Variants in GRM4 observed in about 807,000 individuals in gnomAD.
The protein encoded by GRM4 is glutamate metabotropic receptor 4, also known as metabotropic glutamate receptor 4.
In GRM4, 28 loss-of-function variants were observed where a neutral mutation model predicts 81.7. The ratio of observed to expected loss-of-function variants is 0.34; its 90% CI spans 0.25 to 0.47. The LOEUF is 0.47. GRM4 is among the 20% of genes least tolerant of loss of function. GRM4 has a pLI of 1.00. For missense variants in GRM4, 948 were observed against 1,290.0 expected, an observed-to-expected ratio of 0.73 and a Z score of 4.06; for synonymous variants, 488 against 528.8, an observed-to-expected ratio of 0.92 and a Z score of 1.06.
chr6:34,044,863 G>GACACACACATACACACACAC (rs1562022179), intron 6 of GRM4, among the ~76,000 whole-genome samples: 2 of 69,610 alleles, frequency 2.9e-5, no homozygotes. Context: ...CACACACACA[G>GACACACACATACACACACAC]ACATACATAC....
chr6:34,040,365 G>T, intron 7 of GRM4, 51 bp from the exon 8 acceptor site: 1 of 1,595,644 alleles, frequency 6.3e-7, no homozygotes, highest in Non-Finnish European at 8.6e-7. Flanking sequence ...GAGGCAGGGC[G>T]GATGATGAGC....
rs907919388 is a variant in GRM4, at chr6:34,042,314, G to A, written c.1169-1566C>T. Among the ~76,000 whole-genome samples, 1 of 152,118 alleles carries A rather than the reference G, an allele frequency of 6.6e-6. No homozygotes were observed. ...ACAGAAAAGCTCAGTAACATTCCAC[G>A]ACTATGAAAAGCTGATGTGAACCCA... On this transcript the variant is annotated intron_variant, in intron 6 of 10. Transcript: ENST00000538487. This position sits in a 1 kb window ranked among gnomAD's most constrained non-coding sequence, Gnocchi z 4.2.
intron 2 of GRM4, among the ~76,000 whole-genome samples, chr6:34,101,728 C>T (rs189192642): frequency 5.9e-5 from 9 of 152,374 alleles, no homozygotes; most frequent in Non-Finnish European, 1.2e-4. Context: ...TTGTGTAAAA[C>T]GGCTCTGCTT....
At chr6:34,097,533 C>T (rs1333295425) in intron 2 of GRM4, among the ~76,000 whole-genome samples, 3 of 152,186 alleles carry the variant, frequency 2.0e-5, no homozygotes, top group East Asian at 3.9e-4. Context: ...CAGCCAGCAG[C>T]CTCACACAAC....
At chr6:34,112,336 C>T (rs1331630709) in intron 2 of GRM4, among the ~76,000 whole-genome samples, 2 of 152,172 alleles carry the variant, frequency 1.3e-5, no homozygotes, top group African/African-American at 4.8e-5. Context: ...GCGGCCATGG[C>T]AGACCCATGA....
At chr6:34,039,116 C>A (rs1434627245) in intron 8 of GRM4, among the ~76,000 whole-genome samples, 1 of 152,202 alleles carries the variant, frequency 6.6e-6, no homozygotes, top group African/African-American at 2.4e-5. Context: ...CCATCGCTCT[C>A]CACACAGCAA....
At chr6:34,103,766 C>T in intron 2 of GRM4, 1 of 1,461,056 alleles carries the variant, frequency 6.8e-7, no homozygotes, top group East Asian at 2.5e-5. Context: ...CGCTGTGTGA[C>T]CTTGGGCAAG....
intron 6 of GRM4, among the ~76,000 whole-genome samples, chr6:34,045,129 C>T (rs1349084347): frequency 1.3e-5 from 2 of 152,228 alleles, no homozygotes; most frequent in Non-Finnish European, 2.9e-5. Flanking sequence ...AGGTGACTCC[C>T]CTGGCGGGGT....
At chr6:34,100,277 T>C (rs1387675179) in intron 2 of GRM4, among the ~76,000 whole-genome samples, 1 of 152,226 alleles carries the variant, frequency 6.6e-6, no homozygotes, top group Non-Finnish European at 1.5e-5. Flanking sequence ...GGTCTGGAGA[T>C]GGACCTCCCC....
intron 2 of GRM4, among the ~76,000 whole-genome samples, chr6:34,127,770 A>C (rs1770076726): frequency 6.6e-6 from 1 of 152,180 alleles, no homozygotes; most frequent in Admixed American, 6.5e-5. Flanking sequence ...GACGGTGGTC[A>C]AAAATGCCTC....
chr6:34,040,070 C>T (rs777842978), intron 8 of GRM4, 108 bp downstream of exon 8: 104 of 1,078,430 alleles, frequency 9.6e-5, no homozygotes, highest in Non-Finnish European at 1.1e-4. Context: ...CTGGCAGCAG[C>T]GGTCCTGGAG....
At position 34,035,897 on chromosome 6, in the gene GRM4, C is replaced by A; in HGVS notation, c.2213G>T (p.Arg738Leu). The A allele has an allele frequency of 6.2e-7, 1 of 1,607,618 alleles. No individual in the cohort carries two copies. The highest frequency in any genetic ancestry group is 1.1e-5 in the South Asian group (1 of 90,768). The change falls in exon 9 of 11, where the codon CGC (arginine) becomes CTC (leucine). Residue 738 changes from arginine (R) to leucine (L), a missense_variant. Physicochemically the swap from Arg to Leu is moderately radical, Grantham distance 102. Transcript: ENST00000538487. The surrounding 1 kb of genome is among the most constrained non-coding windows in gnomAD (Gnocchi z 6.6). ...DFQDQRTLDP[R>L]FARGVLKCDI... ...ACACTTGAGCACACCCCTGGCGAAG[C>A]GGGGGTCGAGTGTCCGCTGGTCCTG...
rs1221870634 is a variant in GRM4, at chr6:34,070,265, C to T, written c.737-8237G>A. The stretch of plus-strand genomic sequence containing the variant: ...ACAGTGATACTCTGTGCTCAGCGTC[C>T]ACACGCGTGGGGTGGGTACCCACGT... On this transcript the variant is annotated intron_variant, in intron 3 of 10. Coordinates refer to ENST00000538487, the MANE Select transcript of GRM4 (RefSeq NM_000841.4). This position sits in a 1 kb window ranked among gnomAD's most constrained non-coding sequence, Gnocchi z 4.6. 2.0e-5 allele frequency among the ~76,000 whole-genome samples: 3 copies of T among 152,154 alleles called. No individual in the cohort carries two copies. The highest frequency in any genetic ancestry group is 2.9e-5 in the Non-Finnish European group (2 of 68,014).
chr6:34,070,251 C>A lies in GRM4; in HGVS notation c.737-8223G>T, dbSNP rs191664821. Among the ~76,000 whole-genome samples, 2,206 of 152,306 alleles carry A rather than the reference C, an allele frequency of 0.014. 44 individuals carry two copies. The highest frequency in any genetic ancestry group is 0.047 in the African/African-American group (1,955 of 41,560). On this transcript the variant is annotated intron_variant, in intron 3 of 10. Transcript: ENST00000538487. This position sits in a 1 kb window ranked among gnomAD's most constrained non-coding sequence, Gnocchi z 4.6. ...CTTTGCTCTGGTCCACAGTGATACT[C>A]TGTGCTCAGCGTCCACACGCGTGGG...
chr6:34,116,602 T>G (rs945868213), intron 2 of GRM4, among the ~76,000 whole-genome samples: 1 of 152,188 alleles, frequency 6.6e-6, no homozygotes, highest in African/African-American at 2.4e-5. Context: ...GGAAAATGAT[T>G]GGCAGCACCT....
At chr6:34,134,141 C>T (rs983796264) in intron 1 of GRM4, among the ~76,000 whole-genome samples, 1 of 152,098 alleles carries the variant, frequency 6.6e-6, no homozygotes, top group Non-Finnish European at 1.5e-5. Context: ...GGAACAGCCT[C>T]GAACTGGCTT....
At position 34,115,095 on chromosome 6, in the gene GRM4, C is replaced by G. The variant is rs939518961; in HGVS notation, c.519+17883G>C. Among the ~76,000 whole-genome samples, 1 of 152,220 alleles carries G rather than the reference C, an allele frequency of 6.6e-6. No homozygotes were observed. The highest frequency in any genetic ancestry group is 1.5e-5 in the Non-Finnish European group (1 of 68,044). On this transcript the variant is annotated intron_variant, in intron 2 of 10. Transcript: ENST00000538487. The surrounding 1 kb of genome is among the most constrained non-coding windows in gnomAD (Gnocchi z 4.1). ...TCCCCAGATGCTGCTAACCTCTCCTCAGGGGTTGCCTGGGTGCAAAGAGGT... is the reference window on the plus strand; with the variant it reads ...TCCCCAGATGCTGCTAACCTCTCCTGAGGGGTTGCCTGGGTGCAAAGAGGT...
chr6:34,050,258 G>A (rs1000190805), intron 6 of GRM4, among the ~76,000 whole-genome samples: 2 of 152,158 alleles, frequency 1.3e-5, no homozygotes, highest in Non-Finnish European at 2.9e-5. Context: ...GCCTTCAGGT[G>A]TTTGCTCCAG....
chr6:34,059,210 C>T lies in GRM4; in HGVS notation c.873-82G>A, dbSNP rs955681584. On this transcript the variant is annotated intron_variant, in intron 4 of 10. Transcript: ENST00000538487. This position sits in a 1 kb window ranked among gnomAD's most constrained non-coding sequence, Gnocchi z 5.7. ...CTCCTGGCCACACTTGCTTTGGGCC[C>T]ACGTCCCTCACCCCCAGAAGCCCAG... 3 of 1,268,416 alleles carry T rather than the reference C, an allele frequency of 2.4e-6. No homozygotes were observed. Among genetic ancestry groups the T allele is most frequent in the Non-Finnish European group, 2.2e-6 (2 of 889,560 alleles). The allele number at this position is 1,268,416 out of a possible 1,614,324, so 78.6% of individuals were successfully genotyped here.
Sources: gnomAD v4.1 joint callset for allele counts (sites outside exome capture counted in the v4.1 genomes callset) on GRCh38, gnomAD v4.1.1 for gene constraint, Gnocchi (gnomAD v3.1) non-coding constraint, MANE v1.5 for transcripts, NCBI Gene and HGNC (gene_info 2026-07-23, HGNC 2026-07-21) for gene names.